The following CFAP44 variants were observed in gnomAD, a reference collection of about 807,000 sequenced individuals.
CFAP44 encodes cilia- and flagella-associated protein 44.
A neutral mutation model predicts 216.2 loss-of-function variants in CFAP44; 134 were observed. The ratio of observed to expected loss-of-function variants is 0.62; its 90% CI spans 0.54 to 0.72. The LOEUF is 0.72. Ranked by LOEUF, CFAP44 falls within the 30% of genes least tolerant of loss-of-function variation. The pLI is 0.00. For synonymous variants in CFAP44, 700 were observed against 727.6 expected (o/e 0.96, Z 0.61); for missense variants, 2,035 against 2,182.1 (o/e 0.93, Z 1.34).
At chr3:113,426,859 G>C (rs148764231) in intron 3 of CFAP44, 25 of 264,168 alleles carry the variant, frequency 9.5e-5, no homozygotes, top group Non-Finnish European at 1.6e-4. Context: ...AGTTCTGGTC[G>C]GTCATGGCGC....
At chr3:113,362,461 A>C (rs907088588) in intron 21 of CFAP44, among the ~76,000 whole-genome samples, 2 of 152,158 alleles carry the variant, frequency 1.3e-5, no homozygotes, top group African/African-American at 4.8e-5. Flanking sequence ...TTTTGCATTC[A>C]TAGAAAAGGT....
chr3:113,390,021 C>G (rs1933753076), intron 15 of CFAP44, among the ~76,000 whole-genome samples: 1 of 152,064 alleles, frequency 6.6e-6, no homozygotes, highest in African/African-American at 2.4e-5. Context: ...ACCCTAATAC[C>G]AAAGCCAGAC....
intron 33 of CFAP44, 81 bp downstream of exon 33, chr3:113,296,644 C>A: frequency 6.8e-7 from 1 of 1,469,918 alleles, no homozygotes; most frequent in South Asian, 1.3e-5. Context: ...ACAGATGCTT[C>A]ATGGGTACCA....
At position 113,341,905 on chromosome 3, in the gene CFAP44, G is replaced by A; in HGVS notation, c.3276C>T (p.Thr1092=). The A allele has an allele frequency of 6.5e-7, 1 of 1,527,670 alleles. No homozygotes were observed. The highest frequency in any genetic ancestry group is 8.7e-7 in the Non-Finnish European group (1 of 1,144,644). 94.6% of individuals were successfully genotyped at this position (1,527,670 alleles called of 1,614,324 possible). A position where few individuals can be genotyped will look rare whatever the true frequency, so the allele number is the denominator to read the frequency against. The part of the protein sequence containing the change: ...DSQRDAGGSV[T]IQEESIIEKG... ...TTTCTATTATTGATTCTTCTTGTAT[G>A]GTAACACTCCCACCTACATAGAGAA... Residue 1092 remains threonine (T), a synonymous_variant, in exon 24 of 35, where the codon ACC becomes ACT. Transcript: ENST00000393845.
chr3:113,408,972 T>C (rs1275648365), intron 7 of CFAP44, 134 bp downstream of exon 7: 2 of 548,724 alleles, frequency 3.6e-6, no homozygotes, highest in Non-Finnish European at 5.8e-6. Context: ...TAAAATAACA[T>C]ATTTTTAAAT....
chr3:113,367,337 C>T (rs1351021970), intron 18 of CFAP44, among the ~76,000 whole-genome samples: 1 of 152,170 alleles, frequency 6.6e-6, no homozygotes, highest in Non-Finnish European at 1.5e-5. Context: ...CAGGCGGGTG[C>T]CCTTCTGGGA....
chr3:113,321,764 CAATAGTGACAATA>C lies in CFAP44; in HGVS notation c.4516+4668_4516+4680del, dbSNP rs1275188681. ...CAAATCAAGAATATAATCCCACTTACAATAGTGACAATAAAAATGAAATACCTGGGAACATAGC... is the reference window on the plus strand; with the variant it reads ...CAAATCAAGAATATAATCCCACTTACAAAATGAAATACCTGGGAACATAGC... On this transcript the variant is annotated intron_variant, in intron 28 of 34. Transcript: ENST00000393845. Among the ~76,000 whole-genome samples the C allele has an allele frequency of 5.3e-5, 8 of 152,118 alleles. No homozygotes were observed. In the East Asian group the frequency reaches 1.5e-3, roughly 29 times the overall value.
At chr3:113,369,225 A>G (rs1292488058) in intron 18 of CFAP44, among the ~76,000 whole-genome samples, 1 of 152,224 alleles carries the variant, frequency 6.6e-6, no homozygotes, top group African/African-American at 2.4e-5. Flanking sequence ...GCTCTGCACC[A>G]AGCAGATCTA....
chr3:113,406,391 G>A lies in CFAP44; in HGVS notation c.1005+536C>T, dbSNP rs574041040. Among the ~76,000 whole-genome samples the A allele has an allele frequency of 3.3e-5, 5 of 152,218 alleles. No homozygotes were observed. The South Asian group carries it at 6.2e-4, about 19-fold the overall frequency. On this transcript the variant is annotated intron_variant, in intron 8 of 34. Coordinates refer to ENST00000393845, the MANE Select transcript of CFAP44 (RefSeq NM_001164496.2). ...GAAAGTAACAAATATTTGGGAGGCC[G>A]AGGTGGGCGGATCACGAGGTCAGGA...
chr3:113,401,219 T>C lies in CFAP44; in HGVS notation c.1374+21A>G, dbSNP rs545639518. 52 of 1,567,306 alleles carry C rather than the reference T, an allele frequency of 3.3e-5. 1 individual carries two copies. The South Asian group carries it at 6.3e-4, about 19-fold the overall frequency. ...TTTTACTATGAAAGTTAGGAGAAAA[T>C]AAGAATAATAGGCAACTTACAATAT... On this transcript the variant is annotated intron_variant, in intron 11 of 34. Coordinates refer to ENST00000393845, the MANE Select transcript of CFAP44 (RefSeq NM_001164496.2).
At chr3:113,320,628 T>TTAAGTCACATGATCAC (rs1354539871) in intron 28 of CFAP44, among the ~76,000 whole-genome samples, 2 of 151,340 alleles carry the variant, frequency 1.3e-5, no homozygotes, top group Non-Finnish European at 1.5e-5. Flanking sequence ...TTATTAAGTG[T>TTAAGTCACATGATCAC]TAAGTCACAT....
intron 1 of CFAP44, among the ~76,000 whole-genome samples, chr3:113,434,252 C>T (rs151274053): frequency 2.0e-5 from 3 of 151,972 alleles, no homozygotes; most frequent in Non-Finnish European, 4.4e-5. Context: ...TAGCAAGAAG[C>T]CTAAAACATG....
Position 113,344,684 on chromosome 3 carries a change from T to C in CFAP44, c.3094A>G (p.Ile1032Val), listed in dbSNP as rs1454718919. The C allele has an allele frequency of 1.3e-6, 2 of 1,514,712 alleles. No individual in the cohort carries two copies. The highest frequency in any genetic ancestry group is 1.8e-6 in the Non-Finnish European group (2 of 1,139,404). The allele number at this position is 1,514,712 out of a possible 1,614,324, so 93.8% of individuals were successfully genotyped here. A position where few individuals can be genotyped will look rare whatever the true frequency, so the allele number is the denominator to read the frequency against. ...TCACTCAGTATGGCATGAACCACAA[T>C]AGTATCACTTTCCAGTGGATCTCGA... The part of the protein sequence containing the change: ...RFRDPLESDT[I>V]VVHAILSDHK... Residue 1032 changes from isoleucine to valine, a missense_variant, in exon 23 of 35, where the codon ATT becomes GTT. By Grantham distance (29) the Ile-to-Val change is conservative. Around this residue, in one of 3 missense-constraint regions of CFAP44, gnomAD observed 1,883 missense variants for 2,023.7 expected, o/e 0.93. Coordinates refer to ENST00000393845, the MANE Select transcript of CFAP44 (RefSeq NM_001164496.2).
intron 2 of CFAP44, 73 bp downstream of exon 2, chr3:113,433,492 C>T (rs1219687858): frequency 3.5e-5 from 15 of 434,044 alleles, no homozygotes; most frequent in Non-Finnish European, 5.9e-5. Flanking sequence ...TTCCATTCTA[C>T]TATAAAAATT....
chr3:113,386,928 C>A (rs1933666804), intron 15 of CFAP44, among the ~76,000 whole-genome samples: 1 of 152,134 alleles, frequency 6.6e-6, no homozygotes, highest in Admixed American at 6.5e-5. Context: ...CACAGTGCTG[C>A]CTGTCACAAC....
intron 19 of CFAP44, among the ~76,000 whole-genome samples, 158 bp downstream of exon 19, chr3:113,365,881 T>C (rs960632350): frequency 2.6e-5 from 4 of 152,180 alleles, no homozygotes; most frequent in African/African-American, 9.7e-5. Flanking sequence ...ATTTGATATA[T>C]AAGCACCAGA....
intron 15 of CFAP44, among the ~76,000 whole-genome samples, chr3:113,388,825 A>G (rs767308005): frequency 3.3e-5 from 5 of 152,214 alleles, no homozygotes; most frequent in African/African-American, 9.6e-5. Context: ...AAAAGGATAT[A>G]ACAATTGTAA....
chr3:113,312,506 G>C (rs1049992913), intron 28 of CFAP44, among the ~76,000 whole-genome samples: 2 of 152,154 alleles, frequency 1.3e-5, no homozygotes, highest in East Asian at 3.8e-4. Context: ...GCAGAAATTT[G>C]CATAAGTAAA....
intron 1 of CFAP44, chr3:113,434,038 G>A (rs950926280): frequency 5.6e-6 from 1 of 178,784 alleles, no homozygotes; most frequent in East Asian, 1.4e-4. Flanking sequence ...AATTCCCTTG[G>A]AGTTACTAAT....
Sources: allele counts gnomAD v4.1 joint callset (sites outside exome capture counted in the v4.1 genomes callset), GRCh38; gene constraint gnomAD v4.1.1; regional missense constraint gnomAD v4.1.1; transcripts MANE v1.5; gene names NCBI Gene and HGNC (gene_info 2026-07-23, HGNC 2026-07-21).